The following MRPS6 variants were observed in gnomAD, a reference collection of about 807,000 sequenced individuals.
The protein encoded by MRPS6 is small ribosomal subunit protein bS6m.
Under a neutral mutation model 13.1 loss-of-function variants are expected in MRPS6, and 6 were observed. The observed-to-expected ratio is 0.46, with a 90% confidence interval of 0.25 to 0.91. The LOEUF (loss-of-function observed/expected upper bound fraction) is 0.91, where lower values mean the gene tolerates loss of function less well. MRPS6 is among the 40% of genes least tolerant of loss of function. MRPS6 has a pLI of 0.18. For synonymous variants in MRPS6, 61 were observed against 56.5 expected (o/e 1.08, Z -0.36); for missense variants, 164 against 155.6 (o/e 1.05, Z -0.29).
At chr21:34,105,031 C>T (rs1389312240) in intron 1 of MRPS6, 1 of 999,866 alleles carries the variant, frequency 1.0e-6, no homozygotes, top group Non-Finnish European at 1.2e-6. Context: ...GAGTGGCAAA[C>T]AGATCAAGTC....
chr21:34,088,018 A>G (rs1219526768), intron 1 of MRPS6, among the ~76,000 whole-genome samples: 1 of 152,166 alleles, frequency 6.6e-6, no homozygotes, highest in Non-Finnish European at 1.5e-5. Context: ...AGTAGAACAC[A>G]TTTTTTGGGC....
intron 1 of MRPS6, among the ~76,000 whole-genome samples, chr21:34,077,685 A>G (rs1257743979): frequency 6.6e-6 from 1 of 152,238 alleles, no homozygotes; most frequent in Non-Finnish European, 1.5e-5. Flanking sequence ...TACTCAACGC[A>G]GATTATATTT....
At chr21:34,099,632 G>C in intron 1 of MRPS6, 3 of 997,814 alleles carry the variant, frequency 3.0e-6, no homozygotes, top group Non-Finnish European at 3.6e-6. Context: ...ATTTAACATT[G>C]AGTCCTAGTA....
At chr21:34,075,543 G>C (rs944258913) in intron 1 of MRPS6, among the ~76,000 whole-genome samples, 21 of 151,514 alleles carry the variant, frequency 1.4e-4, no homozygotes, top group Non-Finnish European at 2.5e-4. Flanking sequence ...GGGAAGGGGG[G>C]CAAAAAAAAG....
Position 34,136,616 on chromosome 21 carries a change from A to T in MRPS6, c.186-5792A>T, listed in dbSNP as rs562187827. Among the ~76,000 whole-genome samples the T allele has an allele frequency of 5.3e-5, 8 of 152,350 alleles. 1 individual carries two copies. The South Asian group carries it at 1.7e-3, about 32-fold the overall frequency. On this transcript the variant is annotated intron_variant, in intron 2 of 2. Coordinates refer to ENST00000399312, the MANE Select transcript of MRPS6 (RefSeq NM_032476.4). Reference sequence around the variant, plus strand: ...TTTGCCATCGTATGTCTTCTGTGAAATGTCTGTTCAAATCTTATGACCATT... The same window carrying T: ...TTTGCCATCGTATGTCTTCTGTGAATTGTCTGTTCAAATCTTATGACCATT...
At chr21:34,137,537 G>A (rs1602969882) in intron 2 of MRPS6, among the ~76,000 whole-genome samples, 2 of 152,196 alleles carry the variant, frequency 1.3e-5, no homozygotes, top group South Asian at 4.1e-4. Context: ...CATGTCATAT[G>A]CAAATAAGAC....
At chr21:34,127,170 C>G (rs1980338838) in intron 2 of MRPS6, among the ~76,000 whole-genome samples, 1 of 152,148 alleles carries the variant, frequency 6.6e-6, no homozygotes, top group African/African-American at 2.4e-5. Context: ...CTTTCAGACT[C>G]CTCAACAAAC....
chr21:34,129,231 G>A (rs555145246), intron 2 of MRPS6, among the ~76,000 whole-genome samples: 6 of 152,176 alleles, frequency 3.9e-5, no homozygotes, highest in South Asian at 4.2e-4. Flanking sequence ...CCAGAACCAC[G>A]TCACTCACTC....
chr21:34,074,160 C>CCCG (rs748147718), intron 1 of MRPS6, among the ~76,000 whole-genome samples: 13 of 148,828 alleles, frequency 8.7e-5, no homozygotes, highest in East Asian at 2.0e-4. Context: ...CGTCGCCGGC[C>CCCG]CCGCCGCCGC....
In MRPS6 at chr21:34,096,051, A is replaced by C. The variant is rs1978951525; in HGVS notation, c.45+22306A>C. On this transcript the variant is annotated intron_variant, in intron 1 of 2. Coordinates refer to ENST00000399312, the MANE Select transcript of MRPS6 (RefSeq NM_032476.4). The surrounding 1 kb of genome is among the most constrained non-coding windows in gnomAD (Gnocchi z 5.9). ...GTGTGCTGACCAAGTCATCGTGCAG[A>C]GGGTCCTTGCAGCCAAAAACATTGC... 2 of 1,614,018 alleles carry C rather than the reference A, an allele frequency of 1.2e-6. No individual in the cohort carries two copies. Among genetic ancestry groups the C allele is most frequent in the African/African-American group, 2.7e-5 (2 of 74,914 alleles).
At chr21:34,105,431 T>C (rs1048142193) in intron 1 of MRPS6, 34 of 997,286 alleles carry the variant, frequency 3.4e-5, no homozygotes, top group Non-Finnish European at 3.9e-5. Context: ...TTCATTCATT[T>C]ATTTTTAAGC....
chr21:34,113,959 T>C (rs1420569137), intron 1 of MRPS6, among the ~76,000 whole-genome samples: 1 of 152,202 alleles, frequency 6.6e-6, no homozygotes, highest in Admixed American at 6.5e-5. Flanking sequence ...AACTGAATTG[T>C]GCATGAAGGC....
intron 1 of MRPS6, among the ~76,000 whole-genome samples, chr21:34,115,314 T>C (rs1274039548): frequency 6.6e-6 from 1 of 152,220 alleles, no homozygotes; most frequent in Non-Finnish European, 1.5e-5. Context: ...TCAAGAGTCT[T>C]ATTCCTGGCT....
At chr21:34,093,176 T>C (rs1042597110) in intron 1 of MRPS6, among the ~76,000 whole-genome samples, 1 of 151,938 alleles carries the variant, frequency 6.6e-6, no homozygotes, top group African/African-American at 2.4e-5. Context: ...AAGGTGGTCA[T>C]AGAAATATGA....
intron 1 of MRPS6, among the ~76,000 whole-genome samples, chr21:34,120,623 G>A (rs1051524292): frequency 2.0e-5 from 3 of 151,736 alleles, no homozygotes; most frequent in South Asian, 2.1e-4. Flanking sequence ...ATACTATTTC[G>A]TTAAATTTTT....
intron 1 of MRPS6, among the ~76,000 whole-genome samples, chr21:34,092,373 G>T (rs56080238): frequency 1 from 152,314 of 152,314 alleles, 76,157 homozygotes; most frequent in Non-Finnish European, 1. Context: ...ATCTAGACAC[G>T]ACCCACAGAG....
intron 1 of MRPS6, chr21:34,101,939 A>T: frequency 1.0e-6 from 1 of 1,000,160 alleles, no homozygotes; most frequent in Non-Finnish European, 1.2e-6. Flanking sequence ...AGTGCAGAGA[A>T]ACAATGGAGT....
Position 34,109,548 on chromosome 21 carries a change from T to G in MRPS6, c.46-15793T>G, listed in dbSNP as rs1979615711. On this transcript the variant is annotated intron_variant, in intron 1 of 2. Transcript: ENST00000399312. Reference sequence around the variant, plus strand: ...GTACTACCATTTAGAGCTGTGCCTGTGCCCTCCAATGCAGAGCCCTCTTTT... The same window carrying G: ...GTACTACCATTTAGAGCTGTGCCTGGGCCCTCCAATGCAGAGCCCTCTTTT... Among the ~76,000 whole-genome samples, 3 of 152,334 alleles carry G rather than the reference T, an allele frequency of 2.0e-5. No individual in the cohort carries two copies. The South Asian group carries it at 6.2e-4, about 32-fold the overall frequency.
chr21:34,127,547 G>A (rs1237671387), intron 2 of MRPS6, among the ~76,000 whole-genome samples: 2 of 152,172 alleles, frequency 1.3e-5, no homozygotes, highest in South Asian at 2.1e-4. Context: ...TATAATACTC[G>A]TGAACATTCT....
Sources: allele counts gnomAD v4.1 joint callset (sites outside exome capture counted in the v4.1 genomes callset), GRCh38; gene constraint gnomAD v4.1.1; non-coding constraint Gnocchi (gnomAD v3.1); transcripts MANE v1.5; gene names NCBI Gene and HGNC (gene_info 2026-07-23, HGNC 2026-07-21).